Variants in FGD2 observed in about 807,000 individuals in gnomAD.
FGD2 encodes the protein FYVE, RhoGEF and PH domain containing 2.
Under a neutral mutation model 75.9 loss-of-function variants are expected in FGD2, and 52 were observed. That is an observed-to-expected ratio of 0.69 (90% CI 0.55 to 0.86). The LOEUF is 0.86. Among genes scored for constraint, FGD2 ranks in the 40% least tolerant of loss-of-function variants. The pLI is 0.00. For missense variants in FGD2, 790 were observed against 872.0 expected (o/e 0.91, Z 1.18); for synonymous variants, 347 against 348.6 (o/e 1.00, Z 0.05).
rs768559935 is a variant in FGD2, at chr6:37,025,899, G to C, written c.1566G>C (p.Leu522=). 6.2e-7 allele frequency: 1 copy of C among 1,614,220 alleles called. No individual in the cohort carries two copies. The highest frequency in any genetic ancestry group is 8.5e-7 in the Non-Finnish European group (1 of 1,180,038). Reference sequence around the variant, plus strand: ...ACGCATTCCTCACTGGAAATGTGCTGCCTGAGGCCAAGGAGGACAAGAGGC... The same window carrying C: ...ACGCATTCCTCACTGGAAATGTGCTCCCTGAGGCCAAGGAGGACAAGAGGC... The part of the protein sequence containing the change: ...HCYAFLTGNV[L]PEAKEDKRRG... Residue 522 remains leucine, a synonymous_variant, in exon 14 of 16, where the codon CTG becomes CTC. Coordinates refer to ENST00000274963, the MANE Select transcript of FGD2 (RefSeq NM_173558.4).
At chr6:37,017,773 G>A (rs1038337951) in intron 9 of FGD2, among the ~76,000 whole-genome samples, 1 of 151,714 alleles carries the variant, frequency 6.6e-6, no homozygotes, top group Admixed American at 6.6e-5. Flanking sequence ...TAGAGCCCCT[G>A]GGGCCTCCAG....
intron 1 of FGD2, 86 bp downstream of exon 1, chr6:37,005,971 C>T (rs1764729726): frequency 5.5e-6 from 8 of 1,461,996 alleles, no homozygotes; most frequent in African/African-American, 1.4e-5. Flanking sequence ...CTGGGCCCTG[C>T]CCCGGACCCT....
At chr6:37,013,500 C>T in intron 4 of FGD2, 109 bp from the exon 5 acceptor site, 2 of 1,503,732 alleles carry the variant, frequency 1.3e-6, no homozygotes, top group Admixed American at 2.2e-5. Context: ...CCCAGAATTG[C>T]CGTGGAAAGT....
In FGD2 at chr6:37,014,972, C is replaced by A. The variant is rs775157406; in HGVS notation, c.963C>A (p.Leu321=). 8 of 1,614,150 alleles carry A rather than the reference C, an allele frequency of 5.0e-6. No homozygotes were observed. In the South Asian group the frequency reaches 8.8e-5, roughly 18 times the overall value. The change falls in exon 8 of 16, where the codon CTC becomes CTA. Residue 321 remains leucine, a synonymous_variant. Coordinates refer to ENST00000274963, the MANE Select transcript of FGD2 (RefSeq NM_173558.4). ...DDIVDPSNTL[L]REGPVLKISF... ...TAGTAGACCCCTCTAACACCCTGCT[C>A]CGTGAGGGCCCGGTCCTCAAGATCT...
At position 37,008,916 on chromosome 6, in the gene FGD2, C is replaced by A; in HGVS notation, c.151C>A (p.Pro51Thr). Residue 51 changes from proline to threonine, a missense_variant, in exon 2 of 16, where the codon CCA becomes ACA. Physicochemically the swap from Pro to Thr is conservative, Grantham distance 38. Coordinates refer to ENST00000274963, the MANE Select transcript of FGD2 (RefSeq NM_173558.4). ...GTGCAGGCCTCCCGAGTCCCCAGGA[C>A]CACGGGAGAAGACGAATGTCGGGGA... The part of the protein sequence containing the change: ...PECRPPESPG[P>T]REKTNVGEAV... The A allele has an allele frequency of 6.2e-7, 1 of 1,614,214 alleles. No homozygotes were observed. Among genetic ancestry groups the A allele is most frequent in the South Asian group, 1.1e-5 (1 of 91,090 alleles).
At chr6:37,024,685 T>C (rs1206680453) in intron 13 of FGD2, 1 of 152,100 alleles carries the variant, frequency 6.6e-6, no homozygotes, top group Non-Finnish European at 1.5e-5. Context: ...AACATTGAAA[T>C]CGCTCAATAA....
At chr6:37,018,873 A>G (rs751787400) in intron 9 of FGD2, among the ~76,000 whole-genome samples, 3 of 152,208 alleles carry the variant, frequency 2.0e-5, no homozygotes, top group African/African-American at 4.8e-5. Context: ...AATTACTACA[A>G]ACGTACTGTA....
At chr6:37,021,373 C>A in intron 11 of FGD2, 139 bp from the exon 12 acceptor site, 1 of 686,274 alleles carries the variant, frequency 1.5e-6, no homozygotes, top group Non-Finnish European at 2.4e-6. Context: ...GATAAGGCAG[C>A]CCGCGTGTGT....
intron 11 of FGD2, 27 bp downstream of exon 11, chr6:37,020,766 G>A: frequency 1.9e-6 from 3 of 1,555,486 alleles, no homozygotes; most frequent in Non-Finnish European, 2.6e-6. Flanking sequence ...AGGCTTCTGG[G>A]AGTCTTTTTC....
chr6:37,008,518 G>C (rs773650698), intron 1 of FGD2, among the ~76,000 whole-genome samples: 10 of 152,172 alleles, frequency 6.6e-5, no homozygotes, highest in Non-Finnish European at 1.2e-4. Context: ...GGATAATCCA[G>C]GGGGTACCAC....
chr6:37,014,563 C>A (rs556057641), intron 6 of FGD2, 83 bp from the exon 7 acceptor site: 2 of 1,519,700 alleles, frequency 1.3e-6, no homozygotes, highest in Admixed American at 1.7e-5. Flanking sequence ...TCCTGAGGGC[C>A]CTTTGTTGAA....
At position 37,021,599 on chromosome 6, in the gene FGD2, C is replaced by T. The variant is rs375715265; in HGVS notation, c.1321C>T (p.Gln441Ter). 4 of 1,613,520 alleles carry T rather than the reference C, an allele frequency of 2.5e-6. No individual in the cohort carries two copies. The highest frequency in any genetic ancestry group is 4.5e-5 in the East Asian group (2 of 44,898). Residue 441 changes from glutamine (Q) to a stop codon, truncating the protein, a stop_gained, in exon 12 of 16, where the codon CAG (glutamine) becomes TAG (stop). Transcript: ENST00000274963. LOFTEE classifies it high-confidence loss of function. ...GGGGCCTGAGGGAGACATCCAGGAG[C>T]AGGAGGTAAATGAAGGCTTTTTCAT... ...AQGPEGDIQE[Q>*]ELQSEELGLR...
Position 37,011,859 on chromosome 6 carries a change from G to A in FGD2, c.527+5G>A. ...GCAGCGGCGCCTGGACGACTGGTGA[G>A]GTCCACCAGGAGCCCCTGAGGCCTC... On this transcript the variant is annotated splice_donor_5th_base_variant and intron_variant, in intron 4 of 15. Transcript: ENST00000274963. 1 of 1,613,274 alleles carries A rather than the reference G, an allele frequency of 6.2e-7. No homozygotes were observed. Among genetic ancestry groups the A allele is most frequent in the African/African-American group, 1.3e-5 (1 of 75,042 alleles).
intron 1 of FGD2, among the ~76,000 whole-genome samples, chr6:37,007,736 C>G (rs538189199): frequency 6.6e-6 from 1 of 152,314 alleles, no homozygotes; most frequent in East Asian, 1.9e-4. Flanking sequence ...AATGCAGAAC[C>G]TGAAACCAAA....
rs980411541 is a variant in FGD2, at chr6:37,025,887, T to G, written c.1554T>G (p.Thr518=). 12 of 1,614,042 alleles carry G rather than the reference T, an allele frequency of 7.4e-6. No individual in the cohort carries two copies. The highest frequency in any genetic ancestry group is 6.7e-5 in the Admixed American group (4 of 60,004). ...GCCTCCACTGCTACGCATTCCTCAC[T>G]GGAAATGTGCTGCCTGAGGCCAAGG... is the stretch of plus-strand genomic sequence containing the variant. ...RVCLHCYAFL[T]GNVLPEAKED... is the part of the protein sequence containing the mutation. Residue 518 remains threonine, a synonymous_variant, in exon 14 of 16, where the codon ACT becomes ACG. Transcript: ENST00000274963.
intron 3 of FGD2, 133 bp downstream of exon 3, chr6:37,011,183 T>TTGAGG: frequency 1.2e-6 from 1 of 806,168 alleles, no homozygotes; most frequent in Non-Finnish European, 2.1e-6. Context: ...GCCTTGGCCC[T>TTGAGG]TTAACCTCAA....
chr6:37,026,845 C>CA (rs796239980), intron 14 of FGD2, among the ~76,000 whole-genome samples: 2,507 of 137,980 alleles, frequency 0.018, 54 homozygotes, highest in African/African-American at 0.052. Context: ...ACTAAAAATA[C>CA]AAAAAAAAAA....
At chr6:37,013,546 G>T in intron 4 of FGD2, 63 bp from the exon 5 acceptor site, 1 of 1,565,356 alleles carries the variant, frequency 6.4e-7, no homozygotes, top group Non-Finnish European at 8.7e-7. Flanking sequence ...GGCCTCACCT[G>T]GCCCTATCTA....
chr6:37,017,489 C>G (rs1215188310), intron 9 of FGD2, among the ~76,000 whole-genome samples: 2 of 152,240 alleles, frequency 1.3e-5, no homozygotes, highest in Non-Finnish European at 2.9e-5. Context: ...CTGCGTCTAA[C>G]CACCACGCTC....
Sources: gnomAD v4.1 joint callset for allele counts (sites outside exome capture counted in the v4.1 genomes callset) on GRCh38, gnomAD v4.1.1 for gene constraint, MANE v1.5 for transcripts, NCBI Gene and HGNC (gene_info 2026-07-23, HGNC 2026-07-21) for gene names.